The following MICAL3 variants were observed in gnomAD, a reference collection of about 807,000 sequenced individuals.
The protein encoded by MICAL3 is microtubule associated monooxygenase, calponin and LIM domain containing 3, also known as [F-actin]-monooxygenase MICAL3.
Under a neutral mutation model 207.4 loss-of-function variants are expected in MICAL3, and 62 were observed. The ratio of observed to expected loss-of-function variants is 0.30; its 90% CI spans 0.24 to 0.37. MICAL3 has a LOEUF of 0.37. Among genes scored for constraint, MICAL3 ranks in the 10% least tolerant of loss-of-function variants. The pLI, the probability that MICAL3 is intolerant of heterozygous loss-of-function variation, is 1.00. For synonymous variants in MICAL3, 1,077 were observed against 1,069.3 expected (o/e 1.01, Z -0.14); for missense variants, 2,368 against 2,635.6 (o/e 0.90, Z 2.22).
intron 19 of MICAL3, among the ~76,000 whole-genome samples, chr22:17,846,424 TC>T (rs2056634187): frequency 6.6e-6 from 1 of 151,318 alleles, no homozygotes; most frequent in African/African-American, 2.4e-5. Flanking sequence ...CACAAACACA[TC>T]GGAACAATCA....
At chr22:17,814,389 A>C (rs2145998493) in intron 27 of MICAL3, 1 of 152,350 alleles carries the variant, frequency 6.6e-6, no homozygotes, top group South Asian at 2.1e-4. Flanking sequence ...TTTAGGATGG[A>C]CTTTCTAACA....
intron 1 of MICAL3, among the ~76,000 whole-genome samples, chr22:17,993,907 A>G (rs1284931026): frequency 1.3e-5 from 2 of 152,072 alleles, no homozygotes; most frequent in Admixed American, 1.3e-4. Flanking sequence ...CTGTGACACC[A>G]CAAGTCCAAA....
At chr22:17,927,486 T>C (rs1932977408) in intron 1 of MICAL3, among the ~76,000 whole-genome samples, 2 of 152,148 alleles carry the variant, frequency 1.3e-5, no homozygotes, top group Admixed American at 1.3e-4. Flanking sequence ...GCCACCCCCT[T>C]GCTTACACTT....
chr22:17,987,470 C>T (rs1921153818), intron 1 of MICAL3, among the ~76,000 whole-genome samples: 1 of 152,204 alleles, frequency 6.6e-6, no homozygotes, highest in South Asian at 2.1e-4. Context: ...GAGCCCTAGG[C>T]CTGCTCTCCC....
At chr22:17,919,041 A>C (rs1932716941) in intron 1 of MICAL3, among the ~76,000 whole-genome samples, 1 of 148,984 alleles carries the variant, frequency 6.7e-6, no homozygotes, top group African/African-American at 2.5e-5. Flanking sequence ...ACTTACCACA[A>C]CTTGACATAC....
intron 1 of MICAL3, among the ~76,000 whole-genome samples, chr22:17,928,846 G>A (rs1933062429): frequency 6.6e-6 from 1 of 152,192 alleles, no homozygotes; most frequent in African/African-American, 2.4e-5. Flanking sequence ...CCAGGCTGGA[G>A]TGCAGTGTCG....
intron 1 of MICAL3, among the ~76,000 whole-genome samples, chr22:17,977,118 A>G (rs1337691929): frequency 6.6e-6 from 1 of 152,168 alleles, no homozygotes; most frequent in Non-Finnish European, 1.5e-5. Flanking sequence ...TAACTACAAT[A>G]GAAACATCTG....
chr22:17,839,189 T>A (rs973902825), intron 20 of MICAL3, among the ~76,000 whole-genome samples: 13 of 151,954 alleles, frequency 8.6e-5, no homozygotes, highest in Admixed American at 6.5e-4. Context: ...GCTCAGGTGA[T>A]CTGCCTGCTT....
chr22:17,881,569 T>A (rs780446352), intron 16 of MICAL3, among the ~76,000 whole-genome samples: 2 of 152,030 alleles, frequency 1.3e-5, no homozygotes, highest in Non-Finnish European at 2.9e-5. Context: ...GGAGCAACAG[T>A]TTTCTCAGGG....
chr22:17,854,077 C>T (rs1925628401), intron 19 of MICAL3, among the ~76,000 whole-genome samples: 2 of 152,220 alleles, frequency 1.3e-5, no homozygotes, highest in South Asian at 4.1e-4. Flanking sequence ...GCCCACTTCT[C>T]CCACAATATA....
intron 1 of MICAL3, among the ~76,000 whole-genome samples, chr22:17,933,957 T>G (rs1006262268): frequency 1.3e-5 from 2 of 152,024 alleles, no homozygotes; most frequent in African/African-American, 4.8e-5. Flanking sequence ...CCAATAACAG[T>G]CTCTGAAATT....
chr22:18,007,022 A>C (rs1244959150), intron 1 of MICAL3: 2 of 147,984 alleles, frequency 1.4e-5, no homozygotes, highest in African/African-American at 5.0e-5. Context: ...ATGCCCGGCT[A>C]ATTTTTGTAT....
At chr22:18,018,803 C>T (rs1924246427) in intron 1 of MICAL3, among the ~76,000 whole-genome samples, 1 of 152,140 alleles carries the variant, frequency 6.6e-6, no homozygotes, top group East Asian at 1.9e-4. Flanking sequence ...TACACACACA[C>T]ACACAGTATA....
chr22:17,951,881 G>A (rs1360353855), intron 1 of MICAL3, among the ~76,000 whole-genome samples: 1 of 152,028 alleles, frequency 6.6e-6, no homozygotes, highest in Non-Finnish European at 1.5e-5. Context: ...ATTTTCAGTA[G>A]AGACAGGGTT....
intron 27 of MICAL3, chr22:17,814,928 G>C (rs36064820): frequency 7.0e-6 from 1 of 143,804 alleles, no homozygotes. Context: ...CCCCTAGCTC[G>C]ACTGTCCCCT....
intron 1 of MICAL3, among the ~76,000 whole-genome samples, chr22:17,944,872 A>G (rs577836564): frequency 1.5e-3 from 229 of 152,266 alleles, no homozygotes; most frequent in Middle Eastern, 3.4e-3. Context: ...TTCTCCCCAC[A>G]GTTCCTGGGG....
intron 28 of MICAL3, among the ~76,000 whole-genome samples, chr22:17,809,976 C>T (rs1238140301): frequency 6.6e-6 from 1 of 151,972 alleles, no homozygotes; most frequent in Admixed American, 6.6e-5. Flanking sequence ...GAAATCTCCA[C>T]CTCCTGGGTT....
At chr22:17,888,083 T>A (rs1001236009) in intron 13 of MICAL3, among the ~76,000 whole-genome samples, 1 of 152,252 alleles carries the variant, frequency 6.6e-6, no homozygotes, top group Non-Finnish European at 1.5e-5. Flanking sequence ...CATTAATTCA[T>A]AGTAAATCAC....
At chr22:17,794,300 A>G (rs191102121) in intron 29 of MICAL3, among the ~76,000 whole-genome samples, 46 of 152,258 alleles carry the variant, frequency 3.0e-4, no homozygotes, top group African/African-American at 9.9e-4. Context: ...ACTGCATTCA[A>G]TAAGTGGCCA....
Sources: allele counts gnomAD v4.1 joint callset (sites outside exome capture counted in the v4.1 genomes callset), GRCh38; gene constraint gnomAD v4.1.1; transcripts MANE v1.5; gene names NCBI Gene and HGNC (gene_info 2026-07-23, HGNC 2026-07-21).